PAX5: variants seen among roughly 807,000 people sequenced by gnomAD.
PAX5 encodes the protein paired box 5.
A neutral mutation model predicts 43.7 loss-of-function variants in PAX5; 9 were observed. The observed-to-expected ratio is 0.21, with a 90% confidence interval of 0.12 to 0.36. The LOEUF (loss-of-function observed/expected upper bound fraction) is 0.36. Among genes scored for constraint, PAX5 ranks in the 10% least tolerant of loss-of-function variants. The pLI, the probability that PAX5 is intolerant of heterozygous loss-of-function variation, is 1.00. For missense variants in PAX5, 383 were observed against 532.7 expected (o/e 0.72, Z 2.77); for synonymous variants, 228 against 214.3 (o/e 1.06, Z -0.56).
At chr9:37,014,500 A>G (rs1263884484) in intron 3 of PAX5, among the ~76,000 whole-genome samples, 5 of 152,196 alleles carry the variant, frequency 3.3e-5, no homozygotes, top group Non-Finnish European at 5.9e-5. Flanking sequence ...CAGAGCTGGA[A>G]CAAGGAGCCA....
intron 7 of PAX5, among the ~76,000 whole-genome samples, chr9:36,885,999 A>G (rs1201901358): frequency 6.6e-6 from 1 of 152,020 alleles, no homozygotes; most frequent in Non-Finnish European, 1.5e-5. Context: ...GGATGGGAGC[A>G]CTCGGCAAGC....
chr9:37,023,455 C>T (rs1840030208), intron 1 of PAX5, among the ~76,000 whole-genome samples: 1 of 152,108 alleles, frequency 6.6e-6, no homozygotes, highest in South Asian at 2.1e-4. Context: ...GAGACAGAGG[C>T]AAACAAATCA....
chr9:36,846,512 T>C (rs915643825), intron 9 of PAX5, among the ~76,000 whole-genome samples: 8 of 152,266 alleles, frequency 5.3e-5, no homozygotes, highest in Admixed American at 6.5e-5. Context: ...TATGTCATTA[T>C]GCTTAAGAAA....
intron 6 of PAX5, among the ~76,000 whole-genome samples, chr9:36,947,826 CAT>C (rs1250606320): frequency 6.6e-6 from 1 of 151,796 alleles, no homozygotes; most frequent in Non-Finnish European, 1.5e-5. Context: ...AACGCATATG[CAT>C]ATGTCTCCAT....
At chr9:36,867,292 C>T (rs879486172) in intron 8 of PAX5, among the ~76,000 whole-genome samples, 3 of 152,272 alleles carry the variant, frequency 2.0e-5, no homozygotes, top group Admixed American at 6.5e-5. Flanking sequence ...CTGGTGTCCC[C>T]GCTTAGACCT....
At chr9:36,967,534 T>G (rs1189279726) in intron 5 of PAX5, among the ~76,000 whole-genome samples, 1 of 152,178 alleles carries the variant, frequency 6.6e-6, no homozygotes, top group Admixed American at 6.5e-5. Context: ...CTTCTGTGAA[T>G]TGATATGAAA....
intron 8 of PAX5, among the ~76,000 whole-genome samples, chr9:36,878,248 A>G (rs552956341): frequency 1.3e-5 from 2 of 152,346 alleles, no homozygotes; most frequent in African/African-American, 4.8e-5. Flanking sequence ...ACAGGTCCAT[A>G]TAATTTCCCT....
At chr9:37,006,126 A>G (rs1182159903) in intron 4 of PAX5, among the ~76,000 whole-genome samples, 2 of 152,236 alleles carry the variant, frequency 1.3e-5, no homozygotes, top group African/African-American at 4.8e-5. Flanking sequence ...TTACTGACTA[A>G]TGATGCAGAA....
At chr9:37,028,695 G>C (rs1439947500) in intron 1 of PAX5, among the ~76,000 whole-genome samples, 1 of 152,214 alleles carries the variant, frequency 6.6e-6, no homozygotes, top group African/African-American at 2.4e-5. Flanking sequence ...GGCTAATAAG[G>C]GTCCCTGAAG....
chr9:37,029,260 T>C lies in PAX5; in HGVS notation c.46+4726A>G, dbSNP rs537454131. On this transcript the variant is annotated intron_variant, in intron 1 of 9. Transcript: ENST00000358127. The stretch of plus-strand genomic sequence containing the variant: ...CCTCGGTTTCCCTTCCTCTGCCTTC[T>C]CTCTACGCATGCTCTACTTCTCAAA... Among the ~76,000 whole-genome samples the C allele has an allele frequency of 2.6e-5, 4 of 152,316 alleles. No individual in the cohort carries two copies. In the East Asian group the frequency reaches 7.7e-4, roughly 29 times the overall value.
intron 7 of PAX5, among the ~76,000 whole-genome samples, chr9:36,886,912 G>A (rs1826951389): frequency 6.6e-6 from 1 of 152,144 alleles, no homozygotes; most frequent in Non-Finnish European, 1.5e-5. Context: ...AGGAGTCCAG[G>A]CAGAACAGTG....
chr9:37,017,731 C>T (rs887569795), intron 2 of PAX5, among the ~76,000 whole-genome samples: 5 of 152,238 alleles, frequency 3.3e-5, no homozygotes, highest in African/African-American at 1.2e-4. Context: ...GCACGCAGGG[C>T]TACCTGCCCA....
chr9:37,030,198 A>G (rs1483958456), intron 1 of PAX5, among the ~76,000 whole-genome samples: 1 of 151,882 alleles, frequency 6.6e-6, no homozygotes, highest in Non-Finnish European at 1.5e-5. Flanking sequence ...CCTTCCCGCA[A>G]CTCTCGGCGT....
intron 4 of PAX5, among the ~76,000 whole-genome samples, chr9:37,003,106 G>A (rs1461497582): frequency 6.6e-6 from 1 of 151,022 alleles, no homozygotes; most frequent in Non-Finnish European, 1.5e-5. Flanking sequence ...GGAAGCAGGG[G>A]ATGGAGAGGA....
intron 8 of PAX5, among the ~76,000 whole-genome samples, chr9:36,876,742 C>T (rs1400107103): frequency 6.6e-6 from 1 of 152,198 alleles, no homozygotes; most frequent in African/African-American, 2.4e-5. Flanking sequence ...CTTTCTTCAA[C>T]ATAACTGCTC....
intron 7 of PAX5, among the ~76,000 whole-genome samples, chr9:36,905,096 C>T (rs549279077): frequency 1.7e-4 from 26 of 152,330 alleles, no homozygotes; most frequent in African/African-American, 6.0e-4. Context: ...TCCAAGGAGA[C>T]ATGCACTGAA....
At chr9:36,859,228 G>A (rs918272684) in intron 8 of PAX5, among the ~76,000 whole-genome samples, 3 of 152,304 alleles carry the variant, frequency 2.0e-5, no homozygotes, top group Admixed American at 1.3e-4. Context: ...TGCCCACGGA[G>A]AGCCCACAGT....
At chr9:36,961,386 C>A (rs554442242) in intron 6 of PAX5, among the ~76,000 whole-genome samples, 2 of 152,356 alleles carry the variant, frequency 1.3e-5, no homozygotes, top group African/African-American at 4.8e-5. Context: ...ATCCCCTTCC[C>A]CAGCTGTCTC....
At chr9:36,875,434 C>T (rs554863529) in intron 8 of PAX5, among the ~76,000 whole-genome samples, 16 of 152,294 alleles carry the variant, frequency 1.1e-4, no homozygotes, top group African/African-American at 3.9e-4. Flanking sequence ...GTAAACCACA[C>T]ACTAAATGAC....
Sources: gnomAD v4.1 joint callset for allele counts (sites outside exome capture counted in the v4.1 genomes callset) on GRCh38, gnomAD v4.1.1 for gene constraint, MANE v1.5 for transcripts, NCBI Gene and HGNC (gene_info 2026-07-23, HGNC 2026-07-21) for gene names.